PLXNA4: variants seen among roughly 807,000 people sequenced by gnomAD.
The protein encoded by PLXNA4 is plexin-A4.
In PLXNA4, 44 loss-of-function variants were observed where a neutral mutation model predicts 191.8. That is an observed-to-expected ratio of 0.23 (90% confidence interval 0.18 to 0.29). The LOEUF is 0.29. Among genes scored for constraint, PLXNA4 ranks in the 10% least tolerant of loss-of-function variants. The pLI is 1.00. For synonymous variants in PLXNA4, 1,082 were observed against 1,009.5 expected (o/e 1.07, Z -1.36); for missense variants, 1,800 against 2,488.8 (o/e 0.72, Z 5.89).
At chr7:132,236,477 T>A (rs1798704823) in intron 5 of PLXNA4, among the ~76,000 whole-genome samples, 2 of 152,192 alleles carry the variant, frequency 1.3e-5, no homozygotes, top group Non-Finnish European at 2.9e-5. Context: ...AAGATCAGGC[T>A]TGTTGAGGCC....
chr7:132,555,330 C>G lies in PLXNA4; in HGVS notation c.-87+21092G>C, dbSNP rs1238558355. ...TTAATGCAATGGGACCAGCCACCTGCTCTTCTTCCCTTCCCATTTGCTTAT... is the reference window on the plus strand; with the variant it reads ...TTAATGCAATGGGACCAGCCACCTGGTCTTCTTCCCTTCCCATTTGCTTAT... On this transcript the variant is annotated intron_variant, in intron 1 of 31. Transcript: ENST00000321063. Among the ~76,000 whole-genome samples, 8 of 152,178 alleles carry G rather than the reference C, an allele frequency of 5.3e-5. 1 individual carries two copies. The highest frequency in any genetic ancestry group is 1.9e-4 in the African/African-American group (8 of 41,436).
rs1350098278 is a variant in PLXNA4 at position 132,124,152 on chromosome 7, T to G, written c.*6327A>C. 1 of 152,034 alleles carries G rather than the reference T, an allele frequency of 6.6e-6. No homozygotes were observed. The highest frequency in any genetic ancestry group is 1.5e-5 in the Non-Finnish European group (1 of 67,984). 9.4% of individuals were successfully genotyped at this position (152,034 alleles called of 1,614,324 possible). A position where few individuals can be genotyped will look rare whatever the true frequency, so the allele number is the denominator to read the frequency against. On this transcript the variant is annotated 3_prime_UTR_variant, in exon 32 of 32. Coordinates refer to ENST00000321063, the MANE Select transcript of PLXNA4 (RefSeq NM_020911.2). ...ATGTCTCAAGGACACCAGGCCAAGG[T>G]AGGGAGTGGTGAGGGGAGGGCTGTC... is the stretch of plus-strand genomic sequence containing the variant.
intron 9 of PLXNA4, among the ~76,000 whole-genome samples, chr7:132,217,070 A>G (rs1048906409): frequency 6.6e-6 from 1 of 152,148 alleles, no homozygotes. Flanking sequence ...GCACAAGCAC[A>G]CCTTTAAAGG....
At chr7:132,314,044 T>C (rs920068052) in intron 3 of PLXNA4, among the ~76,000 whole-genome samples, 1 of 152,154 alleles carries the variant, frequency 6.6e-6, no homozygotes, top group African/African-American at 2.4e-5. Flanking sequence ...ATAGGCTCCA[T>C]GCATGACCCA....
intron 3 of PLXNA4, among the ~76,000 whole-genome samples, chr7:132,333,326 C>T (rs924827900): frequency 6.6e-6 from 1 of 152,332 alleles, no homozygotes; most frequent in Non-Finnish European, 1.5e-5. Flanking sequence ...TGGGCTCTCC[C>T]AGCTCCCCTC....
intron 3 of PLXNA4, among the ~76,000 whole-genome samples, chr7:132,425,207 T>A (rs1437058177): frequency 3.3e-5 from 5 of 152,190 alleles, no homozygotes; most frequent in African/African-American, 1.2e-4. Context: ...AAAGTTTTTT[T>A]CTCCTCCTTC....
chr7:132,417,738 G>A (rs571909630), intron 3 of PLXNA4, among the ~76,000 whole-genome samples: 18 of 151,962 alleles, frequency 1.2e-4, no homozygotes, highest in Non-Finnish European at 2.5e-4. Context: ...GAGAGACGGA[G>A]GGAGAGAGAA....
intron 28 of PLXNA4, among the ~76,000 whole-genome samples, chr7:132,146,121 G>A (rs1462869007): frequency 6.6e-6 from 1 of 151,006 alleles, no homozygotes; most frequent in Admixed American, 6.6e-5. Context: ...TATGGTGCCT[G>A]GGAAGTCGTG....
intron 1 of PLXNA4, among the ~76,000 whole-genome samples, chr7:132,509,281 C>T (rs1349348339): frequency 1.3e-5 from 2 of 152,188 alleles, no homozygotes; most frequent in African/African-American, 4.8e-5. Flanking sequence ...CGTCTCCAGG[C>T]TCTGTGAACC....
At chr7:132,392,138 A>G (rs1793521106) in intron 3 of PLXNA4, among the ~76,000 whole-genome samples, 1 of 152,148 alleles carries the variant, frequency 6.6e-6, no homozygotes, top group Non-Finnish European at 1.5e-5. Context: ...CAAAAAAAAA[A>G]AAGAAAAGAT....
chr7:132,598,259 C>A (rs557712903), intron 2 of PLXNA4, among the ~76,000 whole-genome samples: 169 of 152,312 alleles, frequency 1.1e-3, no homozygotes, highest in African/African-American at 3.9e-3. Context: ...CAGGTGCTCA[C>A]CACCATGCCT....
intron 12 of PLXNA4, among the ~76,000 whole-genome samples, chr7:132,201,926 G>A (rs1279045549): frequency 6.6e-6 from 1 of 152,176 alleles, no homozygotes; most frequent in Non-Finnish European, 1.5e-5. Flanking sequence ...TTGCCTGTAG[G>A]TGCGTGTGAA....
chr7:132,529,642 G>A (rs888866606), intron 1 of PLXNA4, among the ~76,000 whole-genome samples: 3 of 139,354 alleles, frequency 2.2e-5, no homozygotes, highest in East Asian at 2.0e-4. Context: ...GTCTTGCTCC[G>A]TCGCCCAGGC....
chr7:132,526,450 T>G (rs1799404893), intron 1 of PLXNA4, among the ~76,000 whole-genome samples: 1 of 152,164 alleles, frequency 6.6e-6, no homozygotes, highest in South Asian at 2.1e-4. Context: ...GGAGGAAGGA[T>G]AAAATGAGTC....
At chr7:132,314,543 G>T (rs968414353) in intron 3 of PLXNA4, among the ~76,000 whole-genome samples, 1 of 152,200 alleles carries the variant, frequency 6.6e-6, no homozygotes, top group Admixed American at 6.5e-5. Flanking sequence ...GGGAGGCCAC[G>T]GGAAGTAGGG....
chr7:132,166,662 G>A (rs1466376441), intron 22 of PLXNA4, among the ~76,000 whole-genome samples: 3 of 151,918 alleles, frequency 2.0e-5, no homozygotes. Flanking sequence ...AAGAAGAAAA[G>A]GAAAGGAGGG....
intron 2 of PLXNA4, among the ~76,000 whole-genome samples, chr7:132,590,514 C>T (rs1224849975): frequency 1.3e-5 from 2 of 152,170 alleles, no homozygotes; most frequent in Non-Finnish European, 2.9e-5. Context: ...AGCCTCCAGT[C>T]TGTGGTGAAA....
chr7:132,324,283 A>T (rs1054356983), intron 3 of PLXNA4, among the ~76,000 whole-genome samples: 4 of 152,192 alleles, frequency 2.6e-5, no homozygotes, highest in Admixed American at 6.5e-5. Context: ...CTCACATGAA[A>T]ATGTCCCAGC....
chr7:132,196,353 A>C (rs966038701), intron 13 of PLXNA4, among the ~76,000 whole-genome samples: 3 of 152,210 alleles, frequency 2.0e-5, no homozygotes, highest in Non-Finnish European at 4.4e-5. Flanking sequence ...TTTCTTTTAC[A>C]AAACTGATTC....
Sources: gnomAD v4.1 joint callset for allele counts (sites outside exome capture counted in the v4.1 genomes callset) on GRCh38, gnomAD v4.1.1 for gene constraint, MANE v1.5 for transcripts, NCBI Gene and HGNC (gene_info 2026-07-23, HGNC 2026-07-21) for gene names.